The following ARB2A variants were observed in gnomAD, a reference collection of about 807,000 sequenced individuals.
ARB2A encodes cotranscriptional regulator ARB2A.
At chr5:93,678,293 T>C in the ARB2A span, among the ~76,000 whole-genome samples, 3 of 152,334 alleles carry the variant, frequency 2.0e-5, no homozygotes, top group African/African-American at 4.8e-5. Context: ...AACAAAATTA[T>C]AGAATTCAGT....
At chr5:93,709,632 C>CAAAA in the ARB2A span, among the ~76,000 whole-genome samples, 57 of 41,656 alleles carry the variant, frequency 1.4e-3, 2 homozygotes, top group African/African-American at 3.0e-3. Context: ...GACTCTGTCA[C>CAAAA]AAAAAAAAAA....
the ARB2A span, chr5:93,741,386 C>G: frequency 2.5e-6 from 4 of 1,612,954 alleles, no homozygotes; most frequent in Non-Finnish European, 3.4e-6. Flanking sequence ...ATCCTCCACA[C>G]GTCAGGGCCT....
chr5:94,089,059 G>T, the ARB2A span, among the ~76,000 whole-genome samples: 1 of 152,198 alleles, frequency 6.6e-6, no homozygotes, highest in Non-Finnish European at 1.5e-5. Flanking sequence ...AAAGGAAAAT[G>T]CTGTAACAGC....
the ARB2A span, among the ~76,000 whole-genome samples, chr5:94,092,206 T>A: frequency 1.3e-5 from 2 of 149,746 alleles, no homozygotes; most frequent in East Asian, 3.9e-4. Context: ...ATTAGCCAGG[T>A]GTGGTGGCAC....
chr5:93,949,721 C>A, the ARB2A span, among the ~76,000 whole-genome samples: 1 of 151,948 alleles, frequency 6.6e-6, no homozygotes, highest in Non-Finnish European at 1.5e-5. Context: ...CTACTGTGCT[C>A]CAAATACAAG....
chr5:94,057,828 A>G, the ARB2A span, among the ~76,000 whole-genome samples: 1 of 152,234 alleles, frequency 6.6e-6, no homozygotes, highest in African/African-American at 2.4e-5. Flanking sequence ...TTTAAGGCAC[A>G]GCAGGAAGGA....
the ARB2A span, among the ~76,000 whole-genome samples, chr5:93,913,489 G>A: frequency 2.6e-5 from 4 of 151,764 alleles, no homozygotes; most frequent in African/African-American, 4.8e-5. Context: ...AGCCAATAAC[G>A]ATAGCATCTA....
chr5:93,851,714 T>C, the ARB2A span, among the ~76,000 whole-genome samples: 1 of 152,178 alleles, frequency 6.6e-6, no homozygotes, highest in East Asian at 1.9e-4. Context: ...TTTGGTTTTT[T>C]GTTCTTGCGA....
At chr5:93,983,081 T>C in the ARB2A span, among the ~76,000 whole-genome samples, 5 of 151,540 alleles carry the variant, frequency 3.3e-5, no homozygotes, top group African/African-American at 9.7e-5. Context: ...AAAGGTAGAG[T>C]AGAAAGACAA....
the ARB2A span, among the ~76,000 whole-genome samples, chr5:94,034,942 G>A: frequency 6.6e-6 from 1 of 152,144 alleles, no homozygotes; most frequent in Non-Finnish European, 1.5e-5. Context: ...AAGGGATCTA[G>A]GTTGCACACT....
At chr5:93,741,715 A>T in the ARB2A span, 1 of 871,410 alleles carries the variant, frequency 1.1e-6, no homozygotes, top group African/African-American at 1.7e-5. Context: ...AATCTGGTAG[A>T]TCCATAGGAA....
chr5:93,957,328 G>A, the ARB2A span, among the ~76,000 whole-genome samples: 3 of 152,046 alleles, frequency 2.0e-5, no homozygotes, highest in Non-Finnish European at 4.4e-5. Flanking sequence ...GAAAGCATCC[G>A]ATTTTCTTTA....
At chr5:93,772,076 A>G in the ARB2A span, among the ~76,000 whole-genome samples, 1,955 of 152,322 alleles carry the variant, frequency 0.013, 32 homozygotes, top group African/African-American at 0.045. Context: ...ACAATGATAG[A>G]CTGGATTAAG....
chr5:94,087,091 T>TG, the ARB2A span, among the ~76,000 whole-genome samples: 1 of 152,144 alleles, frequency 6.6e-6, no homozygotes, highest in Non-Finnish European at 1.5e-5. Context: ...TGGGTAGGCC[T>TG]GGGCTAATAC....
the ARB2A span, among the ~76,000 whole-genome samples, chr5:93,847,720 AT>A: frequency 4.0e-3 from 610 of 152,320 alleles, 5 homozygotes; most frequent in African/African-American, 0.014. Context: ...TGTATTATGA[AT>A]TAACATGTAT....
chr5:93,874,139 T>C, the ARB2A span, among the ~76,000 whole-genome samples: 2 of 152,196 alleles, frequency 1.3e-5, no homozygotes, highest in African/African-American at 4.8e-5. Flanking sequence ...CTGCAGAGTG[T>C]AGCACTGAGG....
At chr5:93,995,986 T>C in the ARB2A span, among the ~76,000 whole-genome samples, 1 of 152,274 alleles carries the variant, frequency 6.6e-6, no homozygotes, top group South Asian at 2.1e-4. Flanking sequence ...TTCCAAATAC[T>C]TTCCCCTAAA....
chr5:94,014,045 A>T, the ARB2A span, among the ~76,000 whole-genome samples: 1 of 152,176 alleles, frequency 6.6e-6, no homozygotes, highest in African/African-American at 2.4e-5. Flanking sequence ...CCCTGCCTTA[A>T]CCCATAAGAA....
At chr5:93,908,838 A>G in the ARB2A span, among the ~76,000 whole-genome samples, 1 of 151,000 alleles carries the variant, frequency 6.6e-6, no homozygotes, top group East Asian at 1.9e-4. Context: ...ATCATTTTCA[A>G]ACTTTACAGA....
Sources: allele counts gnomAD v4.1 joint callset (sites outside exome capture counted in the v4.1 genomes callset), GRCh38; gene constraint gnomAD v4.1.1; transcripts MANE v1.5; gene names NCBI Gene and HGNC (gene_info 2026-07-23, HGNC 2026-07-21).